Variants in PDS5A observed in about 807,000 individuals in gnomAD.
PDS5A encodes sister chromatid cohesion protein PDS5 homolog A.
PDS5A carries 42 observed loss-of-function variants against 167.1 expected under a neutral mutation model. The observed-to-expected ratio is 0.25, with a 90% confidence interval of 0.20 to 0.33. The LOEUF (loss-of-function observed/expected upper bound fraction) is 0.33, where lower values mean the gene tolerates loss of function less well. Among genes scored for constraint, PDS5A ranks in the 10% least tolerant of loss-of-function variants. The pLI is 1.00. For missense variants in PDS5A, 1,033 were observed against 1,605.9 expected (o/e 0.64, Z 6.10); for synonymous variants, 553 against 554.6 (o/e 1.00, Z 0.04).
intron 8 of PDS5A, among the ~76,000 whole-genome samples, chr4:39,915,914 C>T (rs141042610): frequency 3.9e-5 from 6 of 152,266 alleles, no homozygotes; most frequent in African/African-American, 9.6e-5. Context: ...ACTGAAAACT[C>T]GCCCCTCTGC....
At chr4:39,922,270 T>C (rs1161570267) in intron 6 of PDS5A, among the ~76,000 whole-genome samples, 1 of 152,256 alleles carries the variant, frequency 6.6e-6, no homozygotes, top group Admixed American at 6.5e-5. Flanking sequence ...TCCAAACTCC[T>C]ATGTTTCACA....
intron 7 of PDS5A, among the ~76,000 whole-genome samples, chr4:39,917,546 G>C (rs540656995): frequency 2.6e-5 from 4 of 152,116 alleles, no homozygotes; most frequent in African/African-American, 7.2e-5. Flanking sequence ...CCTTGTAGCA[G>C]AGAAAAATTA....
chr4:39,934,630 T>C (rs1726408421), intron 2 of PDS5A, among the ~76,000 whole-genome samples: 2 of 146,990 alleles, frequency 1.4e-5, no homozygotes, highest in Admixed American at 6.8e-5. Context: ...TTTTTTTTTT[T>C]TTAAGAAATG....
chr4:39,910,370 G>A, intron 9 of PDS5A, 32 bp from the exon 10 acceptor site: 1 of 1,078,520 alleles, frequency 9.3e-7, no homozygotes, highest in East Asian at 2.4e-5. Flanking sequence ...AACATTAATT[G>A]TAAGGCAAAA....
chr4:39,954,828 T>C lies in PDS5A; in HGVS notation c.138+21612A>G, dbSNP rs1341227599. Among the ~76,000 whole-genome samples, 3 of 151,890 alleles carry C rather than the reference T, an allele frequency of 2.0e-5. No individual in the cohort carries two copies. The South Asian group carries it at 6.2e-4, about 32-fold the overall frequency. On this transcript the variant is annotated intron_variant, in intron 2 of 32. Coordinates refer to ENST00000303538, the MANE Select transcript of PDS5A (RefSeq NM_001100399.2). Reference sequence around the variant, plus strand: ...GGGAGGCTGAGGCAGGAGGATCACGTGAGTCCAGGAGTTTGAGACCTGGGC... The same window carrying C: ...GGGAGGCTGAGGCAGGAGGATCACGCGAGTCCAGGAGTTTGAGACCTGGGC...
At chr4:39,971,869 C>A (rs765104353) in intron 2 of PDS5A, among the ~76,000 whole-genome samples, 2 of 152,010 alleles carry the variant, frequency 1.3e-5, no homozygotes, top group African/African-American at 2.4e-5. Flanking sequence ...AATAAAAAAA[C>A]AAAATTTCAA....
intron 2 of PDS5A, among the ~76,000 whole-genome samples, chr4:39,961,803 TCTTA>T (rs1478643491): frequency 6.6e-6 from 1 of 152,238 alleles, no homozygotes. Flanking sequence ...AAACCTGTTC[TCTTA>T]CTGTGAGCAT....
intron 2 of PDS5A, among the ~76,000 whole-genome samples, chr4:39,930,246 A>AAAAAAAAAAAAAAAAAATTTTT: frequency 1.1e-5 from 1 of 93,164 alleles, no homozygotes; most frequent in Non-Finnish European, 2.2e-5. Context: ...AAAAAAAAAA[A>AAAAAAAAAAAAAAAAAATTTTT]GTTTTTTTGT....
intron 26 of PDS5A, among the ~76,000 whole-genome samples, chr4:39,853,872 C>CA (rs1718317872): frequency 6.6e-6 from 1 of 152,226 alleles, no homozygotes; most frequent in African/African-American, 2.4e-5. Flanking sequence ...CCAAGGTTAT[C>CA]AGTGAGTGCT....
chr4:39,844,550 GA>G (rs1717405134), intron 30 of PDS5A, 105 bp downstream of exon 30: 1 of 749,554 alleles, frequency 1.3e-6, no homozygotes, highest in African/African-American at 1.8e-5. Flanking sequence ...TTTTGTACCA[GA>G]ACACCGCTAA....
chr4:39,913,679 T>C lies in PDS5A; in HGVS notation c.924A>G (p.Lys308=). The change falls in exon 9 of 33, where the codon AAA becomes AAG. Residue 308 remains lysine (K), a synonymous_variant. Transcript: ENST00000303538. ...ERLAVVRLLA[K]LFGSKDSDLA... is the part of the protein sequence containing the mutation. ...AATCAGAATCTTTGGAGCCAAACAATTTAGCTAGAAGTCGAACAACAGCTA... is the reference window on the plus strand; with the variant it reads ...AATCAGAATCTTTGGAGCCAAACAACTTAGCTAGAAGTCGAACAACAGCTA... 6.2e-7 allele frequency: 1 copy of C among 1,612,498 alleles called. No individual in the cohort carries two copies. Among genetic ancestry groups the C allele is most frequent in the Admixed American group, 1.7e-5 (1 of 60,018 alleles).
At position 39,862,959 on chromosome 4, in the gene PDS5A, C is replaced by T. The variant is rs1384526172; in HGVS notation, c.2881G>A (p.Val961Met). Residue 961 changes from valine (V) to methionine (M), a missense_variant, in exon 25 of 33, where the codon GTG (valine) becomes ATG (methionine). This residue lies in a region of PDS5A where 367 missense variants were observed against 686.7 expected (regional missense o/e 0.53). Coordinates refer to ENST00000303538, the MANE Select transcript of PDS5A (RefSeq NM_001100399.2). Reference protein sequence around the residue: ...AIFALCAKDPVKERRAHARQC... With the variant: ...AIFALCAKDPMKERRAHARQC... Reference sequence around the variant, plus strand: ...CGTGCGTGTGCTCTTCTCTCCTTCACAGGATCTTTGGCACACAAGGCAAAG... The same window carrying T: ...CGTGCGTGTGCTCTTCTCTCCTTCATAGGATCTTTGGCACACAAGGCAAAG... 1 of 1,613,542 alleles carries T rather than the reference C, an allele frequency of 6.2e-7. No individual in the cohort carries two copies. Among genetic ancestry groups the T allele is most frequent in the Non-Finnish European group, 8.5e-7 (1 of 1,179,654 alleles).
intron 7 of PDS5A, among the ~76,000 whole-genome samples, chr4:39,919,561 C>T (rs1560483658): frequency 1.3e-5 from 2 of 152,136 alleles, no homozygotes; most frequent in African/African-American, 2.4e-5. Flanking sequence ...AGCAGAATGG[C>T]GTCAACCCGG....
rs574183672 is a variant in PDS5A, at chr4:39,825,232, G to A, written c.*253C>T. The A allele has an allele frequency of 2.6e-6, 1 of 383,862 alleles. No individual in the cohort carries two copies. Among genetic ancestry groups the A allele is most frequent in the South Asian group, 1.2e-4 (1 of 8,436 alleles). 23.8% of individuals were successfully genotyped at this position (383,862 alleles called of 1,614,324 possible). ...TTGCTTAATTATTGACTTTTCGTAA[G>A]AAAAGTCTAGGGGAAGGGGGAGAAC... On this transcript the variant is annotated 3_prime_UTR_variant, in exon 33 of 33. Coordinates refer to ENST00000303538, the MANE Select transcript of PDS5A (RefSeq NM_001100399.2).
Position 39,844,662 on chromosome 4 carries a change from C to A in PDS5A, c.3542G>T (p.Arg1181Leu), listed in dbSNP as rs1213573036. The A allele has an allele frequency of 1.9e-6, 3 of 1,604,098 alleles. No individual in the cohort carries two copies. The highest frequency in any genetic ancestry group is 2.5e-6 in the Non-Finnish European group (3 of 1,177,152). ...NSELNPSTGN[R>L]SREQSSEAAE... ...AATTGGAGAGAAAAGTTGCCTTGATCGATTTCCGGTTGAAGGGTTCAGCTC... is the reference window on the plus strand; with the variant it reads ...AATTGGAGAGAAAAGTTGCCTTGATAGATTTCCGGTTGAAGGGTTCAGCTC... Residue 1181 changes from arginine to leucine, a missense_variant, in exon 30 of 33, where the codon CGA (arginine) becomes CTA (leucine). By Grantham distance (102) the Arg-to-Leu change is moderately radical. Coordinates refer to ENST00000303538, the MANE Select transcript of PDS5A (RefSeq NM_001100399.2).
At chr4:39,954,670 T>TAAAAAAAAAAAAA (rs777287409) in intron 2 of PDS5A, among the ~76,000 whole-genome samples, 33 of 48,260 alleles carry the variant, frequency 6.8e-4, no homozygotes, top group Admixed American at 1.2e-3. Context: ...AAGAGATAAG[T>TAAAAAAAAAAAAA]AAAAAAAAAA....
intron 2 of PDS5A, among the ~76,000 whole-genome samples, chr4:39,968,433 ATT>A (rs375287668): frequency 5.9e-5 from 8 of 134,574 alleles, no homozygotes; most frequent in East Asian, 2.1e-4. Flanking sequence ...TATAATATTA[ATT>A]TTTTTTTTTT....
chr4:39,873,260 T>C (rs986552892), intron 20 of PDS5A, 116 bp from the exon 21 acceptor site: 1 of 481,610 alleles, frequency 2.1e-6, no homozygotes, highest in Non-Finnish European at 3.5e-6. Context: ...ACCAATCTTC[T>C]CTAATACGAT....
intron 13 of PDS5A, 53 bp downstream of exon 13, chr4:39,902,294 G>A: frequency 1.3e-6 from 1 of 790,126 alleles, no homozygotes; most frequent in Non-Finnish European, 2.1e-6. Flanking sequence ...ATAAGATGAA[G>A]TAATTTTACG....
Sources: allele counts gnomAD v4.1 joint callset (sites outside exome capture counted in the v4.1 genomes callset), GRCh38; gene constraint gnomAD v4.1.1; regional missense constraint gnomAD v4.1.1; transcripts MANE v1.5; gene names NCBI Gene and HGNC (gene_info 2026-07-23, HGNC 2026-07-21).